ASH1L: variants seen among roughly 807,000 people sequenced by gnomAD.
The protein encoded by ASH1L is histone-lysine N-methyltransferase ASH1L.
In ASH1L, 23 loss-of-function variants were observed where a neutral mutation model predicts 269.0. That is an observed-to-expected ratio of 0.09 (90% CI 0.06 to 0.12). ASH1L has a LOEUF of 0.12. ASH1L is among the 10% of genes least tolerant of loss of function. The probability of loss-of-function intolerance (pLI) is 1.00; values close to 1 mark genes in which losing one functional copy is unlikely to be tolerated. For missense variants in ASH1L, 2,912 were observed against 3,567.8 expected, an observed-to-expected ratio of 0.82 and a Z score of 4.68; for synonymous variants, 1,187 against 1,253.5, an observed-to-expected ratio of 0.95 and a Z score of 1.12.
In ASH1L at chr1:155,562,425, A is replaced by AGCG. The variant is rs757359444; in HGVS notation, c.-375_-373dup. ...AAAGCGAACCCAAAATGGCGGCGGG[A>AGCG]GCGGCGGCGGCGGCGGCGGCAGCAG... On this transcript the variant is annotated 5_prime_UTR_variant, in exon 1 of 28. Coordinates refer to ENST00000392403, the MANE Select transcript of ASH1L (RefSeq NM_018489.3). 413 of 1,476,676 alleles carry AGCG rather than the reference A, an allele frequency of 2.8e-4. No homozygotes were observed. The highest frequency in any genetic ancestry group is 5.4e-4 in the African/African-American group (39 of 71,580). The allele number at this position is 1,476,676 out of a possible 1,614,324, so 91.5% of individuals were successfully genotyped here.
At chr1:155,493,882 A>T (rs760771136) in intron 2 of ASH1L, among the ~76,000 whole-genome samples, 208 of 151,694 alleles carry the variant, frequency 1.4e-3, no homozygotes, top group Non-Finnish European at 2.6e-3. Context: ...TCAAAAAAAA[A>T]TTTTTTTTTC....
chr1:155,538,518 C>T (rs978777105), intron 1 of ASH1L, among the ~76,000 whole-genome samples: 18 of 151,708 alleles, frequency 1.2e-4, no homozygotes, highest in Admixed American at 7.2e-4. Flanking sequence ...CCACCACATC[C>T]GGCTAATTTT....
intron 6 of ASH1L, among the ~76,000 whole-genome samples, chr1:155,399,827 C>T (rs1257097322): frequency 1.3e-5 from 2 of 152,056 alleles, no homozygotes; most frequent in African/African-American, 4.8e-5. Context: ...GTAGTTCATA[C>T]TACACAGAGC....
At chr1:155,406,203 CAAAA>C (rs964056210) in intron 6 of ASH1L, among the ~76,000 whole-genome samples, 2 of 52,100 alleles carry the variant, frequency 3.8e-5, no homozygotes, top group Non-Finnish European at 8.2e-5. Context: ...GACTCTGTCT[CAAAA>C]AAAAAAAAAA....
intron 5 of ASH1L, among the ~76,000 whole-genome samples, chr1:155,421,411 G>A (rs920893694): frequency 2.9e-5 from 4 of 139,276 alleles, no homozygotes; most frequent in African/African-American, 5.3e-5. Flanking sequence ...GGTGGCTCAC[G>A]CCTGTAATTC....
chr1:155,448,863 C>T (rs1237469633), intron 4 of ASH1L, among the ~76,000 whole-genome samples: 17 of 151,998 alleles, frequency 1.1e-4, no homozygotes. Flanking sequence ...TGAGAACTGA[C>T]TTAGATAGAT....
intron 20 of ASH1L, 126 bp from the exon 21 acceptor site, chr1:155,346,595 G>A: frequency 1.4e-6 from 1 of 726,618 alleles, no homozygotes; most frequent in Non-Finnish European, 2.4e-6. Context: ...GGATAACTGG[G>A]TGAATGATAA....
chr1:155,493,692 A>G (rs1666962219), intron 2 of ASH1L, among the ~76,000 whole-genome samples: 1 of 151,952 alleles, frequency 6.6e-6, no homozygotes, highest in Admixed American at 6.6e-5. Flanking sequence ...ACATGGTGAA[A>G]CCCCATCTCT....
At chr1:155,391,156 G>A (rs1050947033) in intron 7 of ASH1L, among the ~76,000 whole-genome samples, 28 of 152,058 alleles carry the variant, frequency 1.8e-4, no homozygotes, top group Non-Finnish European at 3.1e-4. Flanking sequence ...ATGTTGGCCA[G>A]GCTGGTCTCG....
At chr1:155,551,576 C>T (rs1328107675) in intron 1 of ASH1L, among the ~76,000 whole-genome samples, 3 of 143,992 alleles carry the variant, frequency 2.1e-5, no homozygotes, top group Non-Finnish European at 3.0e-5. Flanking sequence ...AGGAGAATGG[C>T]GTGAACCCGG....
intron 2 of ASH1L, among the ~76,000 whole-genome samples, chr1:155,519,371 G>A (rs1047511477): frequency 2.0e-5 from 3 of 152,082 alleles, no homozygotes; most frequent in African/African-American, 7.2e-5. Flanking sequence ...TGGAGGCGGA[G>A]GTTGCAGTGA....
chr1:155,444,770 C>T lies in ASH1L; in HGVS notation c.5087-5702G>A, dbSNP rs374211769. On this transcript the variant is annotated intron_variant, in intron 4 of 27. Transcript: ENST00000392403. The stretch of plus-strand genomic sequence containing the variant: ...GAGCTGAGATTACAGGTGCCTGCCA[C>T]TACGCCCGGCTAATTTTTTTGTATT... 5.3e-5 allele frequency among the ~76,000 whole-genome samples: 8 copies of T among 150,672 alleles called. No homozygotes were observed. In the South Asian group the frequency reaches 1.7e-3, roughly 31 times the overall value.
At chr1:155,345,539 C>A (rs1474524140) in intron 21 of ASH1L, among the ~76,000 whole-genome samples, 2 of 146,852 alleles carry the variant, frequency 1.4e-5, no homozygotes, top group African/African-American at 5.0e-5. Flanking sequence ...TCCCAAAGTG[C>A]TGGGATTATA....
intron 2 of ASH1L, among the ~76,000 whole-genome samples, chr1:155,496,277 T>C (rs552063240): frequency 2.6e-5 from 4 of 152,198 alleles, no homozygotes; most frequent in Non-Finnish European, 5.9e-5. Flanking sequence ...CAAGACATCA[T>C]TAGGTGACAG....
chr1:155,493,649 C>G (rs2148771869), intron 2 of ASH1L, among the ~76,000 whole-genome samples: 1 of 152,280 alleles, frequency 6.6e-6, no homozygotes, highest in South Asian at 2.1e-4. Flanking sequence ...AGGAGGATCA[C>G]CTGAGGTTGG....
intron 2 of ASH1L, among the ~76,000 whole-genome samples, chr1:155,495,674 A>C (rs1248234742): frequency 6.6e-6 from 1 of 152,158 alleles, no homozygotes; most frequent in Non-Finnish European, 1.5e-5. Context: ...AAGCTACATT[A>C]AATTTTTAAA....
At chr1:155,526,226 ATGAG>A (rs1428614964) in intron 1 of ASH1L, among the ~76,000 whole-genome samples, 1 of 152,206 alleles carries the variant, frequency 6.6e-6, no homozygotes, top group Non-Finnish European at 1.5e-5. Flanking sequence ...GAATAAATGA[ATGAG>A]TGAATTTTAA....
At position 155,490,457 on chromosome 1, in the gene ASH1L, C is replaced by CAA. The variant is rs531166077; in HGVS notation, c.421-8010_421-8009dup. Among the ~76,000 whole-genome samples the CAA allele has an allele frequency of 5.3e-5, 7 of 132,360 alleles. 1 individual carries two copies. Among genetic ancestry groups the CAA allele is most frequent in the African/African-American group, 8.4e-5 (3 of 35,862 alleles). The allele number at this position is 132,360 out of a possible 152,430, so 86.8% of individuals were successfully genotyped here. On this transcript the variant is annotated intron_variant, in intron 2 of 27. Coordinates refer to ENST00000392403, the MANE Select transcript of ASH1L (RefSeq NM_018489.3). ...TGAAACCCCATCTCTACTAAAAATA[C>CAA]AAAAAAAAAAAATCCAGCTGGAAGT...
chr1:155,493,586 G>A (rs1005703878), intron 2 of ASH1L, among the ~76,000 whole-genome samples: 2 of 151,720 alleles, frequency 1.3e-5, no homozygotes, highest in African/African-American at 4.8e-5. Flanking sequence ...TCATTTTTCA[G>A]GGGGGGCATG....
Sources: allele counts gnomAD v4.1 joint callset (sites outside exome capture counted in the v4.1 genomes callset), GRCh38; gene constraint gnomAD v4.1.1; transcripts MANE v1.5; gene names NCBI Gene and HGNC (gene_info 2026-07-23, HGNC 2026-07-21).